APAF1: variants seen among roughly 807,000 people sequenced by gnomAD.
APAF1 encodes the protein apoptotic protease-activating factor 1.
A neutral mutation model predicts 152.4 loss-of-function variants in APAF1; 91 were observed. The observed-to-expected ratio is 0.60, with a 90% CI of 0.50 to 0.71. APAF1 has a LOEUF of 0.71. APAF1 is among the 30% of genes least tolerant of loss of function. The pLI, the probability that APAF1 is intolerant of heterozygous loss-of-function variation, is 0.00. For missense variants in APAF1, 1,283 were observed against 1,472.0 expected (o/e 0.87, Z 2.10); for synonymous variants, 484 against 494.1 (o/e 0.98, Z 0.27).
At chr12:98,713,739 C>T (rs2097730744) in intron 21 of APAF1, among the ~76,000 whole-genome samples, 1 of 152,188 alleles carries the variant, frequency 6.6e-6, no homozygotes, top group African/African-American at 2.4e-5. Context: ...TATTTTTTAA[C>T]CAATTACTTA....
Position 98,672,824 on chromosome 12 carries a change from C to T in APAF1, c.1793+1105C>T, listed in dbSNP as rs1426300006. Among the ~76,000 whole-genome samples the T allele has an allele frequency of 2.6e-5, 4 of 151,570 alleles. No homozygotes were observed. The South Asian group carries it at 6.2e-4, about 24-fold the overall frequency. On this transcript the variant is annotated intron_variant, in intron 12 of 26. Transcript: ENST00000551964. ...GGCTGGAGTGCAATGGCACGATCTCCGCTCACGGCAACCTCCTCCTCCTGG... is the reference window on the plus strand; with the variant it reads ...GGCTGGAGTGCAATGGCACGATCTCTGCTCACGGCAACCTCCTCCTCCTGG...
chr12:98,726,943 T>C (rs1220237938), intron 25 of APAF1, among the ~76,000 whole-genome samples: 2 of 152,230 alleles, frequency 1.3e-5, no homozygotes, highest in Non-Finnish European at 2.9e-5. Flanking sequence ...CATTTATGCC[T>C]CTGTTTCTTT....
intron 25 of APAF1, 57 bp from the exon 26 acceptor site, chr12:98,727,116 A>C: frequency 6.4e-7 from 1 of 1,553,138 alleles, no homozygotes; most frequent in Non-Finnish European, 8.9e-7. Flanking sequence ...ATATGTTTTA[A>C]AACCAGAGAA....
intron 19 of APAF1, 85 bp downstream of exon 19, chr12:98,706,695 T>G: frequency 8.0e-6 from 12 of 1,504,316 alleles, no homozygotes; most frequent in Non-Finnish European, 1.1e-5. Flanking sequence ...TGGGTAGCAC[T>G]GAGGTAAGCA....
chr12:98,696,164 A>G (rs543084040), intron 16 of APAF1, among the ~76,000 whole-genome samples: 2 of 152,280 alleles, frequency 1.3e-5, no homozygotes, highest in African/African-American at 4.8e-5. Flanking sequence ...ATTTATAAAG[A>G]AAAGGGGTTT....
Position 98,725,986 on chromosome 12 carries a change from T to A in APAF1, c.3456+446T>A, listed in dbSNP as rs2097749901. Among the ~76,000 whole-genome samples the A allele has an allele frequency of 2.6e-5, 4 of 152,108 alleles. No individual in the cohort carries two copies. In the South Asian group the frequency reaches 8.3e-4, roughly 32 times the overall value. ...ACCCATTTGATAGCCATTTCCAGTG[T>A]GGTTTGTTGCAGTCCTCTGTGGACT... On this transcript the variant is annotated intron_variant, in intron 25 of 26. Transcript: ENST00000551964.
chr12:98,701,003 T>C (rs74501925), intron 17 of APAF1, among the ~76,000 whole-genome samples: 1 of 152,170 alleles, frequency 6.6e-6, no homozygotes, highest in Admixed American at 6.5e-5. Flanking sequence ...GTTTTTTTTT[T>C]TCTTACAAAC....
chr12:98,656,883 A>C (rs565912341), intron 4 of APAF1, among the ~76,000 whole-genome samples: 1 of 152,264 alleles, frequency 6.6e-6, no homozygotes, highest in East Asian at 1.9e-4. Context: ...TTTGAGGTTC[A>C]TGTCTCTAAC....
rs529247113 is a variant in APAF1, at chr12:98,673,256, G to A, written c.1793+1537G>A. ...AGCAATTTGGGAGGCCGAGGCGGGCGGATCACCTGAGGTCAGGAGTTTGAG... is the reference window on the plus strand; with the variant it reads ...AGCAATTTGGGAGGCCGAGGCGGGCAGATCACCTGAGGTCAGGAGTTTGAG... On this transcript the variant is annotated intron_variant, in intron 12 of 26. Coordinates refer to ENST00000551964, the MANE Select transcript of APAF1 (RefSeq NM_181861.2). Among the ~76,000 whole-genome samples the A allele has an allele frequency of 1.4e-3, 219 of 151,034 alleles. 1 individual carries two copies. Among genetic ancestry groups the A allele is most frequent in the South Asian group, 3.3e-3 (16 of 4,784 alleles).
At chr12:98,661,310 CAAAATT>C (rs933949122) in intron 5 of APAF1, among the ~76,000 whole-genome samples, 1 of 152,032 alleles carries the variant, frequency 6.6e-6, no homozygotes, top group Non-Finnish European at 1.5e-5. Context: ...TCCTTTTTTG[CAAAATT>C]AAAATTGACT....
At chr12:98,711,812 C>T (rs1279951631) in intron 20 of APAF1, among the ~76,000 whole-genome samples, 1 of 151,464 alleles carries the variant, frequency 6.6e-6, no homozygotes, top group Non-Finnish European at 1.5e-5. Flanking sequence ...TCTCCATTGT[C>T]CTCACTGCCC....
chr12:98,673,918 G>A (rs768839143), intron 12 of APAF1, among the ~76,000 whole-genome samples: 1 of 152,046 alleles, frequency 6.6e-6, no homozygotes, highest in Non-Finnish European at 1.5e-5. Context: ...TTCAAGGGAG[G>A]GTTCCATGAA....
intron 4 of APAF1, among the ~76,000 whole-genome samples, chr12:98,658,583 A>G (rs987125919): frequency 6.6e-6 from 1 of 152,190 alleles, no homozygotes; most frequent in Admixed American, 6.5e-5. Context: ...CTTGAGTCTA[A>G]CTTCCTATTT....
At chr12:98,662,898 A>G in intron 7 of APAF1, 92 bp downstream of exon 7, 2 of 1,295,328 alleles carry the variant, frequency 1.5e-6, no homozygotes, top group Non-Finnish European at 2.1e-6. Context: ...AATTTAGCAC[A>G]TGAACATCCA....
intron 3 of APAF1, 48 bp downstream of exon 3, chr12:98,648,863 G>A (rs2097645559): frequency 6.4e-7 from 1 of 1,553,912 alleles, no homozygotes; most frequent in Admixed American, 1.7e-5. Context: ...AAATTGCTTT[G>A]GGTTTGTCTT....
intron 18 of APAF1, among the ~76,000 whole-genome samples, chr12:98,705,282 C>T (rs2097720220): frequency 6.6e-6 from 1 of 152,056 alleles, no homozygotes. Context: ...GCTCTGGAGG[C>T]TCTGAGTGAC....
In APAF1 at chr12:98,703,446, T is replaced by A. The variant is rs577187794; in HGVS notation, c.2542T>A (p.Phe848Ile). ...GHHSTIQYCD[F>I]SPQNHLAVVA... ...TCACAGCACCATCCAGTACTGTGACTTCTCCCCACAAAACCATTTGGCAGT... is the reference window on the plus strand; with the variant it reads ...TCACAGCACCATCCAGTACTGTGACATCTCCCCACAAAACCATTTGGCAGT... The change falls in exon 18 of 27, where the codon TTC (phenylalanine) becomes ATC (isoleucine). Residue 848 changes from phenylalanine to isoleucine, a missense_variant. Physicochemically the swap from Phe to Ile is conservative, Grantham distance 21. Coordinates refer to ENST00000551964, the MANE Select transcript of APAF1 (RefSeq NM_181861.2). 6.2e-6 allele frequency: 10 copies of A among 1,614,202 alleles called. No homozygotes were observed. The African/African-American group carries it at 1.1e-4, about 17-fold the overall frequency.
chr12:98,689,796 CATCT>C (rs2097702302), intron 16 of APAF1, among the ~76,000 whole-genome samples: 2 of 152,104 alleles, frequency 1.3e-5, no homozygotes, highest in East Asian at 1.9e-4. Context: ...TTACAGCATC[CATCT>C]GTTTGGTTCT....
chr12:98,732,234 C>A (rs1343351163), intron 26 of APAF1, among the ~76,000 whole-genome samples, 186 bp from the exon 27 acceptor site: 2 of 152,154 alleles, frequency 1.3e-5, no homozygotes, highest in East Asian at 1.9e-4. Context: ...GAGGCCATCA[C>A]CAGTGTTCAT....
Sources: gnomAD v4.1 joint callset for allele counts (sites outside exome capture counted in the v4.1 genomes callset) on GRCh38, gnomAD v4.1.1 for gene constraint, MANE v1.5 for transcripts, NCBI Gene and HGNC (gene_info 2026-07-23, HGNC 2026-07-21) for gene names.